The following HS6ST3 variants were observed in gnomAD, a reference collection of about 807,000 sequenced individuals.
The protein encoded by HS6ST3 is heparan sulfate 6-O-sulfotransferase 3.
A neutral mutation model predicts 36.7 loss-of-function variants in HS6ST3; 12 were observed. The ratio of observed to expected loss-of-function variants is 0.33; its 90% CI spans 0.21 to 0.53. HS6ST3 has a LOEUF of 0.53. Ranked by LOEUF, HS6ST3 falls within the 20% of genes least tolerant of loss-of-function variation. The pLI, the probability that HS6ST3 is intolerant of heterozygous loss-of-function variation, is 0.95. For synonymous variants in HS6ST3, 240 were observed against 257.5 expected, an observed-to-expected ratio of 0.93 and a Z score of 0.65; for missense variants, 584 against 640.9, an observed-to-expected ratio of 0.91 and a Z score of 0.96.
intron 1 of HS6ST3, among the ~76,000 whole-genome samples, chr13:96,381,379 T>TATCTATGC (rs1481104926): frequency 5.1e-5 from 3 of 59,106 alleles, no homozygotes; most frequent in African/African-American, 1.7e-4. Context: ...TTTATCCATC[T>TATCTATGC]ATCTATGTAT....
rs397773858 is a variant in HS6ST3, at chr13:96,112,578, A to AATATACATATATATATACATATATATAT, written c.707+21014_707+21015insCATATATATATACATATATATATATATA. On this transcript the variant is annotated intron_variant, in intron 1 of 1. Transcript: ENST00000376705. ...TAAAACCCCATCTCTAAAATAAATAAATATATATATATATATATATATATA... is the reference window on the plus strand; with the variant it reads ...TAAAACCCCATCTCTAAAATAAATAAATATACATATATATATACATATATATATATATATATATATATATATATATATA... Among the ~76,000 whole-genome samples the AATATACATATATATATACATATATATAT allele has an allele frequency of 4.9e-5, 4 of 81,222 alleles. 1 individual carries two copies. The highest frequency in any genetic ancestry group is 1.9e-4 in the African/African-American group (4 of 20,514). The allele number at this position is 81,222 out of a possible 152,430, so 53.3% of individuals were successfully genotyped here.
At chr13:96,431,945 G>C (rs1566359408) in intron 1 of HS6ST3, among the ~76,000 whole-genome samples, 1 of 152,094 alleles carries the variant, frequency 6.6e-6, no homozygotes, top group Non-Finnish European at 1.5e-5. Context: ...AGCACTAAAG[G>C]TACATTCTGC....
At chr13:96,212,407 A>G (rs1230414228) in intron 1 of HS6ST3, among the ~76,000 whole-genome samples, 1 of 152,256 alleles carries the variant, frequency 6.6e-6, no homozygotes, top group African/African-American at 2.4e-5. Context: ...CTGTCTCAGC[A>G]ACATCTTCCT....
intron 1 of HS6ST3, among the ~76,000 whole-genome samples, chr13:96,535,961 G>A (rs1198495822): frequency 2.0e-5 from 3 of 152,190 alleles, no homozygotes; most frequent in African/African-American, 4.8e-5. Context: ...GCTCTACAGC[G>A]TGAGAGCACT....
At chr13:96,183,849 G>A (rs1158174445) in intron 1 of HS6ST3, among the ~76,000 whole-genome samples, 3 of 152,102 alleles carry the variant, frequency 2.0e-5, no homozygotes, top group Non-Finnish European at 1.5e-5. Flanking sequence ...GATAAATGGT[G>A]GTGATGGATA....
chr13:96,586,403 C>A (rs1267677474), intron 1 of HS6ST3, among the ~76,000 whole-genome samples: 1 of 152,010 alleles, frequency 6.6e-6, no homozygotes, highest in Non-Finnish European at 1.5e-5. Context: ...TCAAGTGATT[C>A]TCCTGCTTCA....
chr13:96,419,734 G>T (rs2055553588), intron 1 of HS6ST3, among the ~76,000 whole-genome samples: 1 of 152,072 alleles, frequency 6.6e-6, no homozygotes, highest in East Asian at 1.9e-4. Flanking sequence ...TGTTTTGCTG[G>T]CAGTCTTTGG....
At chr13:96,828,384 C>T (rs183472580) in intron 1 of HS6ST3, among the ~76,000 whole-genome samples, 27 of 152,170 alleles carry the variant, frequency 1.8e-4, no homozygotes, top group Admixed American at 1.7e-3. Flanking sequence ...TTACATTTCT[C>T]ATTTTTTAGA....
At chr13:96,701,077 T>G (rs1875273310) in intron 1 of HS6ST3, among the ~76,000 whole-genome samples, 1 of 152,194 alleles carries the variant, frequency 6.6e-6, no homozygotes, top group African/African-American at 2.4e-5. Context: ...GAACAATTTT[T>G]TAGCTGATTT....
intron 1 of HS6ST3, among the ~76,000 whole-genome samples, chr13:96,666,125 CAT>C (rs2056663540): frequency 6.6e-6 from 1 of 152,126 alleles, no homozygotes; most frequent in Admixed American, 6.6e-5. Context: ...GGAAAGCAAA[CAT>C]GTACTTCTTT....
intron 1 of HS6ST3, among the ~76,000 whole-genome samples, chr13:96,251,428 G>A (rs1367127307): frequency 6.6e-6 from 1 of 151,796 alleles, no homozygotes; most frequent in Non-Finnish European, 1.5e-5. Context: ...GGTAACAATT[G>A]GAATGTCTCC....
At chr13:96,593,659 A>C (rs903069811) in intron 1 of HS6ST3, among the ~76,000 whole-genome samples, 17 of 151,726 alleles carry the variant, frequency 1.1e-4, no homozygotes, top group Non-Finnish European at 2.2e-4. Flanking sequence ...ATCATTTGTT[A>C]AATTTATCTG....
chr13:96,703,091 A>C (rs533758862), intron 1 of HS6ST3, among the ~76,000 whole-genome samples: 1 of 152,380 alleles, frequency 6.6e-6, no homozygotes, highest in Non-Finnish European at 1.5e-5. Context: ...TGTATATTAG[A>C]TATATTTACT....
At chr13:96,500,926 C>T (rs1255335331) in intron 1 of HS6ST3, among the ~76,000 whole-genome samples, 1 of 152,124 alleles carries the variant, frequency 6.6e-6, no homozygotes, top group Non-Finnish European at 1.5e-5. Context: ...TAATTGTAGA[C>T]ATCCTAAGCT....
At chr13:96,612,797 C>T (rs2056461090) in intron 1 of HS6ST3, among the ~76,000 whole-genome samples, 1 of 152,136 alleles carries the variant, frequency 6.6e-6, no homozygotes, top group Non-Finnish European at 1.5e-5. Context: ...GTGCACGGTA[C>T]AGTCTTTATG....
chr13:96,362,747 G>GTT (rs1841838693), intron 1 of HS6ST3, among the ~76,000 whole-genome samples: 1 of 152,120 alleles, frequency 6.6e-6, no homozygotes, highest in South Asian at 2.1e-4. Flanking sequence ...CACAAACCAG[G>GTT]TTTTCAATGG....
intron 1 of HS6ST3, among the ~76,000 whole-genome samples, chr13:96,275,600 T>C (rs1363275380): frequency 6.6e-6 from 1 of 152,212 alleles, no homozygotes; most frequent in Non-Finnish European, 1.5e-5. Flanking sequence ...TCCAGTTACC[T>C]ACATGATATT....
intron 1 of HS6ST3, among the ~76,000 whole-genome samples, chr13:96,553,638 T>C (rs1394952648): frequency 6.6e-6 from 1 of 152,204 alleles, no homozygotes; most frequent in East Asian, 1.9e-4. Flanking sequence ...GGAACTGAAA[T>C]GTAGCCCTGC....
chr13:96,704,722 G>T (rs1261183971), intron 1 of HS6ST3, among the ~76,000 whole-genome samples: 1 of 152,086 alleles, frequency 6.6e-6, no homozygotes, highest in Non-Finnish European at 1.5e-5. Context: ...TGGAACGCCA[G>T]GTGGCAGGGA....
Sources: allele counts gnomAD v4.1 joint callset (sites outside exome capture counted in the v4.1 genomes callset), GRCh38; gene constraint gnomAD v4.1.1; transcripts MANE v1.5; gene names NCBI Gene and HGNC (gene_info 2026-07-23, HGNC 2026-07-21).